SNTG2: variants seen among roughly 807,000 people sequenced by gnomAD.
SNTG2 encodes syntrophin gamma 2, also known as gamma-2-syntrophin.
Under a neutral mutation model 70.9 loss-of-function variants are expected in SNTG2, and 74 were observed. That is an observed-to-expected ratio of 1.04 (90% confidence interval 0.86 to 1.27). SNTG2 has a LOEUF of 1.27. SNTG2 is among the 50% of genes most tolerant of loss of function. The probability of loss-of-function intolerance (pLI) is 0.00; values close to 1 mark genes in which losing one functional copy is unlikely to be tolerated. For synonymous variants in SNTG2, 278 were observed against 273.8 expected (o/e 1.02, Z -0.15); for missense variants, 717 against 690.7 (o/e 1.04, Z -0.43).
intron 1 of SNTG2, among the ~76,000 whole-genome samples, chr2:990,171 C>T (rs1018224293): frequency 3.9e-5 from 6 of 152,272 alleles, no homozygotes; most frequent in Non-Finnish European, 8.8e-5. Flanking sequence ...CATGGGTTCT[C>T]ACTGCCATCA....
intron 1 of SNTG2, among the ~76,000 whole-genome samples, chr2:966,126 G>A (rs1160121711): frequency 6.6e-6 from 1 of 152,214 alleles, no homozygotes; most frequent in Non-Finnish European, 1.5e-5. Flanking sequence ...CTCTTGTGGG[G>A]CCTGGACCAG....
chr2:1,054,713 A>G (rs6712873), intron 1 of SNTG2, among the ~76,000 whole-genome samples: 124,079 of 152,170 alleles, frequency 0.82, 51,205 homozygotes, highest in Middle Eastern at 0.91. Flanking sequence ...CAGACCTTGG[A>G]TCAGAATATC....
At chr2:998,003 A>T (rs922158732) in intron 1 of SNTG2, among the ~76,000 whole-genome samples, 2 of 152,190 alleles carry the variant, frequency 1.3e-5, no homozygotes, top group Non-Finnish European at 2.9e-5. Flanking sequence ...TGACCAGTAC[A>T]TCACTCCTAC....
At chr2:1,133,563 A>G (rs1367993674) in intron 4 of SNTG2, among the ~76,000 whole-genome samples, 35 of 152,346 alleles carry the variant, frequency 2.3e-4, no homozygotes, top group Non-Finnish European at 1.5e-5. Flanking sequence ...GGGATGAACT[A>G]GAATCACTTT....
chr2:1,091,444 G>A (rs1054365546), intron 2 of SNTG2, among the ~76,000 whole-genome samples: 9 of 152,298 alleles, frequency 5.9e-5, no homozygotes, highest in Non-Finnish European at 7.4e-5. Flanking sequence ...ATCAGGGATC[G>A]AGGCAGGGGC....
chr2:1,075,584 G>A (rs1305875223), intron 1 of SNTG2, among the ~76,000 whole-genome samples: 2 of 152,280 alleles, frequency 1.3e-5, no homozygotes, highest in Admixed American at 6.5e-5. Flanking sequence ...AGATCTTAGT[G>A]GGACACTAAC....
At chr2:1,187,641 A>G (rs1026135447) in intron 8 of SNTG2, among the ~76,000 whole-genome samples, 1 of 152,188 alleles carries the variant, frequency 6.6e-6, no homozygotes, top group South Asian at 2.1e-4. Flanking sequence ...AGTTAAAGGC[A>G]ATCCAATTCT....
intron 2 of SNTG2, among the ~76,000 whole-genome samples, chr2:1,095,412 AAGC>A (rs1211816144): frequency 6.6e-6 from 1 of 152,208 alleles, no homozygotes; most frequent in Non-Finnish European, 1.5e-5. Flanking sequence ...AGACTGCACA[AAGC>A]AGGTATGAAA....
intron 15 of SNTG2, 75 bp downstream of exon 15, chr2:1,308,661 C>G: frequency 1.6e-6 from 2 of 1,256,142 alleles, no homozygotes; most frequent in Admixed American, 2.0e-5. Context: ...TTAACACTCA[C>G]GCATGTCTGG....
chr2:1,183,567 G>A (rs990158498), intron 8 of SNTG2, among the ~76,000 whole-genome samples: 3 of 152,154 alleles, frequency 2.0e-5, no homozygotes, highest in African/African-American at 7.2e-5. Context: ...TATTTCTTTA[G>A]CATCATCAAC....
chr2:1,113,778 C>T (rs890524211), intron 4 of SNTG2, among the ~76,000 whole-genome samples: 1 of 151,832 alleles, frequency 6.6e-6, no homozygotes, highest in Non-Finnish European at 1.5e-5. Flanking sequence ...TTAACACTTA[C>T]AGTCCTGTGA....
chr2:1,133,084 T>C (rs1210528372), intron 4 of SNTG2, among the ~76,000 whole-genome samples: 1 of 152,200 alleles, frequency 6.6e-6, no homozygotes, highest in African/African-American at 2.4e-5. Flanking sequence ...TGTGGGGTGA[T>C]GATTATGCCT....
chr2:1,006,402 CAAA>C (rs1553307556), intron 1 of SNTG2, among the ~76,000 whole-genome samples: 1 of 55,852 alleles, frequency 1.8e-5, no homozygotes, highest in Admixed American at 1.3e-4. Context: ...AGTAGAATTT[CAAA>C]AAAAAAAGAA....
At chr2:1,261,822 GA>G (rs1192804456) in intron 13 of SNTG2, among the ~76,000 whole-genome samples, 1 of 152,080 alleles carries the variant, frequency 6.6e-6, no homozygotes, top group Admixed American at 6.6e-5. Context: ...TTGTAGCTAA[GA>G]ACTCAGAAGC....
At chr2:1,007,292 G>A (rs1659602012) in intron 1 of SNTG2, among the ~76,000 whole-genome samples, 1 of 152,122 alleles carries the variant, frequency 6.6e-6, no homozygotes, top group African/African-American at 2.4e-5. Flanking sequence ...TGACCCACAC[G>A]ATCCTAGGCC....
At chr2:1,160,544 A>C (rs1670200482) in intron 6 of SNTG2, 1 of 152,196 alleles carries the variant, frequency 6.6e-6, no homozygotes, top group African/African-American at 2.4e-5. Flanking sequence ...AACTGCACTG[A>C]TGTCACCAAC....
At chr2:1,072,008 T>C (rs902196834) in intron 1 of SNTG2, among the ~76,000 whole-genome samples, 8 of 152,154 alleles carry the variant, frequency 5.3e-5, no homozygotes, top group Non-Finnish European at 7.3e-5. Context: ...GGTGGGTTTA[T>C]GAGGTTCAAG....
chr2:1,233,079 G>A (rs1676368789), intron 9 of SNTG2, among the ~76,000 whole-genome samples: 1 of 152,196 alleles, frequency 6.6e-6, no homozygotes, highest in Non-Finnish European at 1.5e-5. Context: ...AGCTTCCTTG[G>A]TTAAATTTTG....
At chr2:1,197,046 A>G (rs1213279818) in intron 8 of SNTG2, among the ~76,000 whole-genome samples, 1 of 152,182 alleles carries the variant, frequency 6.6e-6, no homozygotes, top group Non-Finnish European at 1.5e-5. Context: ...AGAGAGAAAG[A>G]AAGGAAAAAA....
Sources: allele counts gnomAD v4.1 joint callset (sites outside exome capture counted in the v4.1 genomes callset), GRCh38; gene constraint gnomAD v4.1.1; transcripts MANE v1.5; gene names NCBI Gene and HGNC (gene_info 2026-07-23, HGNC 2026-07-21).